Variants in C11orf21 observed in about 807,000 individuals in gnomAD.
The protein encoded by C11orf21 is chromosome 11 open reading frame 21.
Under a neutral mutation model 15.2 loss-of-function variants are expected in C11orf21, and 19 were observed. The observed-to-expected ratio is 1.25, with a 90% confidence interval of 0.87 to 1.84. C11orf21 has a LOEUF of 1.84. Among genes scored for constraint, C11orf21 ranks in the 40% most tolerant of loss-of-function variants. The pLI is 0.00. For synonymous variants in C11orf21, 62 were observed against 66.8 expected (o/e 0.93, Z 0.35); for missense variants, 171 against 174.4 (o/e 0.98, Z 0.11).
Position 2,299,654 on chromosome 11 carries a change from A to G in C11orf21, c.201T>C (p.Gly67=), listed in dbSNP as rs1501466. 269,178 of 1,550,978 alleles carry G rather than the reference A, an allele frequency of 0.17. 25,318 individuals carry two copies. The highest frequency in any genetic ancestry group is 0.34 in the African/African-American group (25,112 of 73,082). Residue 67 remains glycine, a synonymous_variant, in exon 3 of 4, where the codon GGT becomes GGC. Coordinates refer to ENST00000381153, the MANE Select transcript of C11orf21 (RefSeq NM_001329958.2). ...PPAAAQPSAH[G]ALVPPATAHE... is the part of the protein sequence containing the mutation. ...GAGCGGTGGCAGGTGGAACAAGGGC[A>G]CCATGGGCGGAGGGTTGGGCAGCTG...
At chr11:2,298,938 C>T (rs1044065662) in intron 3 of C11orf21, among the ~76,000 whole-genome samples, 4 of 152,136 alleles carry the variant, frequency 2.6e-5, no homozygotes, top group Admixed American at 6.5e-5. Context: ...AGTTGGCCAG[C>T]GGAGGCAGCA....
At chr11:2,301,683 A>G (rs920226645) in intron 1 of C11orf21, 73 bp downstream of exon 1, 16 of 1,254,482 alleles carry the variant, frequency 1.3e-5, no homozygotes, top group Non-Finnish European at 1.6e-5. Context: ...AGGAGACCCC[A>G]TCCAAATTCC....
Position 2,299,458 on chromosome 11 carries a change from A to G in C11orf21, c.397T>C (p.Ter133ArgextTer71). 20 of 1,550,066 alleles carry G rather than the reference A, an allele frequency of 1.3e-5. No homozygotes were observed. Among genetic ancestry groups the G allele is most frequent in the Non-Finnish European group, 1.7e-5 (20 of 1,146,798 alleles). The change falls in exon 3 of 4, where the codon TGA becomes CGA. Residue 133 changes from the stop codon to arginine (R), a stop_lost. Transcript: ENST00000381153. ...RARRWQPLPS* is the reference protein window; with the variant it reads ...RARRWQPLPSR Reference sequence around the variant, plus strand: ...ATGGACAGAAAAGGGTCCCTGTCTCAGGAAGGTAGAGGCTGCCACCTCCTG... The same window carrying G: ...ATGGACAGAAAAGGGTCCCTGTCTCGGGAAGGTAGAGGCTGCCACCTCCTG...
At chr11:2,298,498 TA>T (rs1847583307) in intron 3 of C11orf21, among the ~76,000 whole-genome samples, 1 of 152,168 alleles carries the variant, frequency 6.6e-6, no homozygotes, top group African/African-American at 2.4e-5. Flanking sequence ...TGGGGACCAT[TA>T]GGGGGAGGGT....
rs1374618501 is a variant in C11orf21, at chr11:2,299,513, G to T, written c.342C>A (p.Gly114=). 1.3e-6 allele frequency: 2 copies of T among 1,550,432 alleles called. No homozygotes were observed. The highest frequency in any genetic ancestry group is 2.0e-5 in the Admixed American group (1 of 50,988). Residue 114 remains glycine, a synonymous_variant, in exon 3 of 4, where the codon GGC becomes GGA. Coordinates refer to ENST00000381153, the MANE Select transcript of C11orf21 (RefSeq NM_001329958.2). ...RLGWDLDLEA[G]PSSGKLCPRA... is the part of the protein sequence containing the mutation. ...GAGGACACAGCTTTCCAGAGGAGGG[G>T]CCTGCTTCTAAGTCCAAGTCCCATC...
rs541658937 is a variant in C11orf21 at position 2,296,416 on chromosome 11, G to T, written c.*1534C>A. The T allele has an allele frequency of 6.6e-6, 1 of 152,230 alleles. No individual in the cohort carries two copies. The highest frequency in any genetic ancestry group is 6.5e-5 in the Admixed American group (1 of 15,294). The allele number at this position is 152,230 out of a possible 1,614,324, so 9.4% of individuals were successfully genotyped here. A position where few individuals can be genotyped will look rare whatever the true frequency, so the allele number is the denominator to read the frequency against. On this transcript the variant is annotated 3_prime_UTR_variant, in exon 4 of 4. Transcript: ENST00000381153. This position sits in a 1 kb window ranked among gnomAD's most constrained non-coding sequence, Gnocchi z 5.6. ...TCCGTGAGCCCACTGACCTCCATAC[G>T]CCCCTCCTCTGACTATTAGATCCGA...
At chr11:2,302,816 C>T, upstream of C11orf21, 1 of 1,598,408 alleles carries the variant, frequency 6.3e-7, no homozygotes, top group Non-Finnish European at 8.6e-7. Context: ...GTCCCATGCC[C>T]CACACTCTGA....
chr11:2,302,084 C>A, upstream of C11orf21: 2 of 1,486,276 alleles, frequency 1.3e-6, no homozygotes, highest in Non-Finnish European at 1.8e-6. Context: ...CGGTCTGAGG[C>A]CCCTGCCCAG....
At position 2,301,104 on chromosome 11, in the gene C11orf21, A is replaced by G. The variant is rs1589788058; in HGVS notation, c.54-491T>C. On this transcript the variant is annotated intron_variant, in intron 1 of 3. Coordinates refer to ENST00000381153, the MANE Select transcript of C11orf21 (RefSeq NM_001329958.2). ...GGTTCTCCTGGTTCTCCCTCCGCAG[A>G]GGGAGGGAGGCGGTGGCCTCAGCAG... 6 of 337,854 alleles carry G rather than the reference A, an allele frequency of 1.8e-5. No homozygotes were observed. In the East Asian group the frequency reaches 4.5e-4, roughly 25 times the overall value. The allele number at this position is 337,854 out of a possible 1,614,324, so 20.9% of individuals were successfully genotyped here.
intron 1 of C11orf21, chr11:2,301,417 C>A: frequency 4.2e-6 from 1 of 237,000 alleles, no homozygotes; most frequent in Admixed American, 5.1e-5. Context: ...GGGGCCGCAG[C>A]GCTGCCCCCA....
In C11orf21 at chr11:2,300,543, G is replaced by A. The variant is rs1166257916; in HGVS notation, c.124C>T (p.Pro42Ser). 6.5e-7 allele frequency: 1 copy of A among 1,548,688 alleles called. No homozygotes were observed. Among genetic ancestry groups the A allele is most frequent in the Admixed American group, 2.0e-5 (1 of 50,570 alleles). Reference protein sequence around the residue: ...VEPPDRWTGTPGWPSRDQEAP... With the variant: ...VEPPDRWTGTSGWPSRDQEAP... ...ACCTGGTCTCTGGAGGGCCAGCCGG[G>A]GGTTCCCGTCCACCTGTCAGGGGGT... Residue 42 changes from proline (P) to serine (S), a missense_variant, in exon 2 of 4, where the codon CCC (proline) becomes TCC (serine). Transcript: ENST00000381153.
Position 2,299,692 on chromosome 11 carries a change from T to C in C11orf21, c.163A>G (p.Met55Val), listed in dbSNP as rs533487825. ...PSRDQEAPGS[M>V]MPPAAAQPSA... is the part of the protein sequence containing the mutation. ...GGTTGGGCAGCTGCAGGTGGCATCA[T>C]TGAGCCAGGGGCCTCCTGGTGGGTA... The change falls in exon 3 of 4, where the codon ATG (methionine) becomes GTG (valine). Residue 55 changes from methionine to valine, a missense_variant. Met to Val is a conservative substitution (Grantham distance 21, BLOSUM62 1). Transcript: ENST00000381153. 115 of 1,550,914 alleles carry C rather than the reference T, an allele frequency of 7.4e-5. No homozygotes were observed. In the Middle Eastern group the frequency reaches 2.0e-3, roughly 27 times the overall value.
At chr11:2,297,948 GAGA>G (rs1847567679) in intron 3 of C11orf21, 27 bp from the exon 4 acceptor site, 1 of 152,222 alleles carries the variant, frequency 6.6e-6, no homozygotes, top group African/African-American at 2.4e-5. Flanking sequence ...GAGAGAGAGA[GAGA>G]AGAGGGAGCT....
In C11orf21 at chr11:2,295,628, T is replaced by G. The variant is rs560224929; in HGVS notation, c.*2322A>C. 3.3e-5 allele frequency: 5 copies of G among 152,222 alleles called. No homozygotes were observed. Among genetic ancestry groups the G allele is most frequent in the African/African-American group, 1.2e-4 (5 of 41,530 alleles). The allele number at this position is 152,222 out of a possible 1,614,324, so 9.4% of individuals were successfully genotyped here. ...GAAGAATAAATGGAGCACAGACGGATTTTAGGGCAGTAAAATAATTCTGTG... is the reference window on the plus strand; with the variant it reads ...GAAGAATAAATGGAGCACAGACGGAGTTTAGGGCAGTAAAATAATTCTGTG... On this transcript the variant is annotated 3_prime_UTR_variant, in exon 4 of 4. Coordinates refer to ENST00000381153, the MANE Select transcript of C11orf21 (RefSeq NM_001329958.2). The surrounding 1 kb of genome is among the most constrained non-coding windows in gnomAD (Gnocchi z 5.4).
chr11:2,301,789 C>T lies in C11orf21; in HGVS notation c.20G>A (p.Gly7Glu). 1 of 1,550,592 alleles carries T rather than the reference C, an allele frequency of 6.4e-7. No homozygotes were observed. The highest frequency in any genetic ancestry group is 1.2e-5 in the South Asian group (1 of 84,060). ...CCCCGGGCGCCGTCTCCTCCACATC[C>T]CACACCAGGTCCTGCCCATGACTTT... MGRTWCGMWRRRRPGRR... is the reference protein window; with the variant it reads MGRTWCEMWRRRRPGRR... Residue 7 changes from glycine (G) to glutamate (E), a missense_variant, in exon 1 of 4, where the codon GGG (glycine) becomes GAG (glutamate). Gly to Glu is a moderately conservative substitution (Grantham distance 98). Coordinates refer to ENST00000381153, the MANE Select transcript of C11orf21 (RefSeq NM_001329958.2).
intron 2 of C11orf21, 89 bp downstream of exon 2, chr11:2,300,431 G>A: frequency 1.2e-6 from 1 of 805,026 alleles, no homozygotes; most frequent in South Asian, 1.7e-5. Context: ...ATGTTGGGGT[G>A]GGAGGGTGTG....
Position 2,301,864 on chromosome 11 carries a change from C to A in C11orf21, c.-56G>T. The A allele has an allele frequency of 3.2e-6, 5 of 1,550,100 alleles. No homozygotes were observed. Among genetic ancestry groups the A allele is most frequent in the Non-Finnish European group, 4.4e-6 (5 of 1,146,878 alleles). ...GGCCACACCAAGAACGAGGCCATGT[C>A]TTCCTGGGAAGGGCCTCAGATGTCA... On this transcript the variant is annotated 5_prime_UTR_variant, in exon 1 of 4. Coordinates refer to ENST00000381153, the MANE Select transcript of C11orf21 (RefSeq NM_001329958.2).
In C11orf21 at chr11:2,301,486, C is replaced by T. The variant is rs572676550; in HGVS notation, c.53+270G>A. On this transcript the variant is annotated intron_variant, in intron 1 of 3. Coordinates refer to ENST00000381153, the MANE Select transcript of C11orf21 (RefSeq NM_001329958.2). ...AAATTCGAGGTTTACAAAGCCTCCC[C>T]CTGGAGGCCCCACGTGAGTGTGAGC... The T allele has an allele frequency of 1.1e-3, 418 of 390,700 alleles. 6 individuals carry two copies. The South Asian group carries it at 0.019, about 18-fold the overall frequency. 24.2% of individuals were successfully genotyped at this position (390,700 alleles called of 1,614,324 possible).
intron 1 of C11orf21, chr11:2,300,844 G>A (rs1847707590): frequency 7.3e-7 from 1 of 1,378,126 alleles, no homozygotes; most frequent in Non-Finnish European, 1.0e-6. Flanking sequence ...GCACAGCCCG[G>A]GGGCCTCCTG....
Sources: gnomAD v4.1 joint callset for allele counts (sites outside exome capture counted in the v4.1 genomes callset) on GRCh38, gnomAD v4.1.1 for gene constraint, Gnocchi (gnomAD v3.1) non-coding constraint, MANE v1.5 for transcripts, NCBI Gene and HGNC (gene_info 2026-07-23, HGNC 2026-07-21) for gene names.